The following ARHGAP27 variants were observed in gnomAD, a reference collection of about 807,000 sequenced individuals.
The protein encoded by ARHGAP27 is rho GTPase-activating protein 27.
In ARHGAP27, 53 loss-of-function variants were observed where a neutral mutation model predicts 102.0. The observed-to-expected ratio is 0.52, with a 90% CI of 0.42 to 0.65. The LOEUF (loss-of-function observed/expected upper bound fraction) is 0.65, where lower values mean the gene tolerates loss of function less well. ARHGAP27 is among the 30% of genes least tolerant of loss of function. The probability of loss-of-function intolerance (pLI) is 0.00; values close to 1 mark genes in which losing one functional copy is unlikely to be tolerated. For missense variants in ARHGAP27, 1,117 were observed against 1,256.2 expected (o/e 0.89, Z 1.68); for synonymous variants, 525 against 542.8 (o/e 0.97, Z 0.46).
intron 12 of ARHGAP27, among the ~76,000 whole-genome samples, chr17:45,398,603 G>A (rs1408067031): frequency 2.0e-5 from 3 of 151,942 alleles, no homozygotes; most frequent in Non-Finnish European, 4.4e-5. Flanking sequence ...GCATGGTGGC[G>A]GGCTCCTGTA....
In ARHGAP27 at chr17:45,404,980, A is replaced by C; in HGVS notation, c.1192T>G (p.Cys398Gly). The C allele has an allele frequency of 6.2e-7, 1 of 1,614,112 alleles. No homozygotes were observed. Among genetic ancestry groups the C allele is most frequent in the Non-Finnish European group, 8.5e-7 (1 of 1,180,002 alleles). ...SPLTTPPGWS[C>G]HVSQDKQMLY... is the part of the protein sequence containing the mutation. ...ATCTGCTTGTCCTGGCTGACATGAC[A>C]AGACCAGCCGGGGGGTGTGGTCAAG... is the stretch of plus-strand genomic sequence containing the variant. Residue 398 changes from cysteine to glycine, a missense_variant, in exon 6 of 20, where the codon TGT becomes GGT. Cys to Gly is a radical substitution (Grantham distance 159). This residue lies in a region of ARHGAP27 where 610 missense variants were observed against 716.4 expected (regional missense o/e 0.85). Coordinates refer to ENST00000685559, the MANE Select transcript of ARHGAP27 (RefSeq NM_001282290.2).
chr17:45,419,504 T>C (rs1258259085), intron 4 of ARHGAP27, among the ~76,000 whole-genome samples: 1 of 131,942 alleles, frequency 7.6e-6, no homozygotes, highest in Non-Finnish European at 1.6e-5. Context: ...AAAAGACTTA[T>C]GCTGTATGTA....
Position 45,430,299 on chromosome 17 carries a change from T to G in ARHGAP27, c.-18-2A>C. ...CGCCATCGCAGCCGCGGCGTTTTCC[T>G]GCGGGCAACAAGAAGGAGGGCCGCG... On this transcript the variant is annotated splice_acceptor_variant, in intron 3 of 19. Coordinates refer to ENST00000685559, the MANE Select transcript of ARHGAP27 (RefSeq NM_001282290.2). LOFTEE classifies it low-confidence loss of function (5UTR_SPLICE). This position sits in a 1 kb window ranked among gnomAD's most constrained non-coding sequence, Gnocchi z 4.4. The G allele has an allele frequency of 6.4e-7, 1 of 1,551,664 alleles. No homozygotes were observed. Among genetic ancestry groups the G allele is most frequent in the Non-Finnish European group, 8.6e-7 (1 of 1,157,402 alleles).
In ARHGAP27 at chr17:45,420,681, G is replaced by A. The variant is rs369350711; in HGVS notation, c.657+8942C>T. Among the ~76,000 whole-genome samples, 13 of 152,246 alleles carry A rather than the reference G, an allele frequency of 8.5e-5. No homozygotes were observed. In the East Asian group the frequency reaches 2.3e-3, roughly 27 times the overall value. On this transcript the variant is annotated intron_variant, in intron 4 of 19. Transcript: ENST00000685559. ...AAAAAAGGACTGATTTTGGCCGGGC[G>A]CAGTGGCTCACGCCTGTAATCCCAG...
At chr17:45,413,834 G>A (rs2048167172) in intron 4 of ARHGAP27, among the ~76,000 whole-genome samples, 1 of 152,156 alleles carries the variant, frequency 6.6e-6, no homozygotes, top group Non-Finnish European at 1.5e-5. Context: ...GGCTGGGTGC[G>A]GTGGCTCAGG....
At position 45,397,019 on chromosome 17, in the gene ARHGAP27, T is replaced by C; in HGVS notation, c.1848A>G (p.Ala616=). ...TCTCGCTCTCCTCTGGGGGCAGCTC[T>C]GCGGACTGGATTCCCATAGCCTCAG... ...AIAQGIQELS[A]ELPPEESESS... Residue 616 remains alanine, a synonymous_variant, in exon 14 of 20, where the codon GCA becomes GCG. Transcript: ENST00000685559. The C allele has an allele frequency of 6.2e-7, 1 of 1,603,048 alleles. No homozygotes were observed. The highest frequency in any genetic ancestry group is 8.5e-7 in the Non-Finnish European group (1 of 1,179,946).
chr17:45,420,869 T>C (rs2048963496), intron 4 of ARHGAP27, among the ~76,000 whole-genome samples: 1 of 142,230 alleles, frequency 7.0e-6, no homozygotes, highest in Admixed American at 7.6e-5. Context: ...CAGAATGGCG[T>C]GAACCCGGGA....
intron 4 of ARHGAP27, among the ~76,000 whole-genome samples, chr17:45,407,275 G>A (rs1372464683): frequency 6.6e-6 from 1 of 152,016 alleles, no homozygotes; most frequent in Non-Finnish European, 1.5e-5. Flanking sequence ...TCTGCAGCCT[G>A]CCCAGGCCCA....
Position 45,396,534 on chromosome 17 carries a change from C to T in ARHGAP27, c.2126G>A (p.Arg709Gln), listed in dbSNP as rs779791561. Residue 709 changes from arginine (R) to glutamine (Q), a missense_variant, in exon 16 of 20, where the codon CGG (arginine) becomes CAG (glutamine). Coordinates refer to ENST00000685559, the MANE Select transcript of ARHGAP27 (RefSeq NM_001282290.2). ...GCACTGCTGCACGAAGCGTGGCACC[C>T]GGCTCCTCTCGCGCTCACACAGCGC... is the stretch of plus-strand genomic sequence containing the variant. ...LAALCERERS[R>Q]VPRFVQQCIR... 2.8e-5 allele frequency: 44 copies of T among 1,586,996 alleles called. No homozygotes were observed. The highest frequency in any genetic ancestry group is 4.5e-5 in the South Asian group (4 of 89,314).
intron 13 of ARHGAP27, 47 bp downstream of exon 13, chr17:45,397,902 T>C (rs758454805): frequency 9.8e-6 from 15 of 1,527,960 alleles, no homozygotes; most frequent in African/African-American, 1.4e-5. Flanking sequence ...CCACTCATAA[T>C]GGCCACCCCC....
intron 4 of ARHGAP27, chr17:45,409,221 CA>C (rs1392433331): frequency 2.6e-5 from 4 of 152,288 alleles, no homozygotes; most frequent in East Asian, 1.9e-4. Flanking sequence ...AAGGCTCCAC[CA>C]GGGGTGGATG....
Position 45,395,445 on chromosome 17 carries a change from C to G in ARHGAP27, c.*11G>C. The G allele has an allele frequency of 1.3e-6, 2 of 1,551,896 alleles. No homozygotes were observed. Among genetic ancestry groups the G allele is most frequent in the Admixed American group, 1.9e-5 (1 of 51,574 alleles). ...AGGACCGCGGCCGCCGCCCCAGTCA[C>G]AGGCCAGCAGTCAGTGCGGCGGGAA... On this transcript the variant is annotated 3_prime_UTR_variant, in exon 20 of 20. Transcript: ENST00000685559.
At chr17:45,408,085 T>C (rs1367514595) in intron 4 of ARHGAP27, 1 of 151,470 alleles carries the variant, frequency 6.6e-6, no homozygotes. Flanking sequence ...AAGCACCTGT[T>C]CAGGGTGGTC....
intron 18 of ARHGAP27, 37 bp from the exon 19 acceptor site, chr17:45,395,886 C>CGGGAGGTAG: frequency 6.3e-7 from 1 of 1,582,830 alleles, no homozygotes; most frequent in Non-Finnish European, 8.6e-7. Context: ...GGAGTCGGAA[C>CGGGAGGTAG]GGGAGGTAGG....
At chr17:45,426,722 A>G (rs1414505158) in intron 4 of ARHGAP27, among the ~76,000 whole-genome samples, 1 of 151,598 alleles carries the variant, frequency 6.6e-6, no homozygotes, top group Non-Finnish European at 1.5e-5. Context: ...GGTTCCATCC[A>G]TGACCCTACA....
At chr17:45,413,571 G>T (rs576209318) in intron 4 of ARHGAP27, among the ~76,000 whole-genome samples, 1 of 152,320 alleles carries the variant, frequency 6.6e-6, no homozygotes, top group East Asian at 1.9e-4. Context: ...CCACACCCAT[G>T]GGGATTGGGG....
Position 45,396,810 on chromosome 17 carries a change from G to C in ARHGAP27, c.1952-20C>G. The C allele has an allele frequency of 6.2e-7, 1 of 1,608,724 alleles. No homozygotes were observed. The highest frequency in any genetic ancestry group is 8.5e-7 in the Non-Finnish European group (1 of 1,177,852). On this transcript the variant is annotated intron_variant, in intron 14 of 19. Transcript: ENST00000685559. ...GCGCGGCTGCCGCGGGGAAAGGCAG[G>C]ACTGAGTCAGGAGGCAGCGCCAGGG...
At chr17:45,407,377 C>A (rs2144598727) in intron 4 of ARHGAP27, among the ~76,000 whole-genome samples, 1 of 152,180 alleles carries the variant, frequency 6.6e-6, no homozygotes. Context: ...AGATTCCCCC[C>A]ATCCCCGTGC....
At chr17:45,432,079 G>T in intron 2 of ARHGAP27, 137 bp downstream of exon 2, 1 of 241,086 alleles carries the variant, frequency 4.1e-6, no homozygotes, top group South Asian at 3.9e-5. Flanking sequence ...GCGGCTCTGG[G>T]AATGCCGGGC....
Sources: gnomAD v4.1 joint callset for allele counts (sites outside exome capture counted in the v4.1 genomes callset) on GRCh38, gnomAD v4.1.1 for gene constraint, gnomAD v4.1.1 regional missense constraint, Gnocchi (gnomAD v3.1) non-coding constraint, MANE v1.5 for transcripts, NCBI Gene and HGNC (gene_info 2026-07-23, HGNC 2026-07-21) for gene names.